RPH3A: variants seen among roughly 807,000 people sequenced by gnomAD.
The protein encoded by RPH3A is rabphilin 3A.
RPH3A carries 48 observed loss-of-function variants against 102.2 expected under a neutral mutation model. The ratio of observed to expected loss-of-function variants is 0.47; its 90% confidence interval spans 0.37 to 0.60. RPH3A has a LOEUF of 0.60. RPH3A is among the 20% of genes least tolerant of loss of function. RPH3A has a pLI of 0.00. For missense variants in RPH3A, 781 were observed against 910.1 expected, an observed-to-expected ratio of 0.86 and a Z score of 1.83; for synonymous variants, 310 against 324.3, an observed-to-expected ratio of 0.96 and a Z score of 0.47.
At chr12:112,662,775 A>AC (rs1287282398) in intron 1 of RPH3A, among the ~76,000 whole-genome samples, 1 of 151,924 alleles carries the variant, frequency 6.6e-6, no homozygotes, top group African/African-American at 2.4e-5. Context: ...CAAAAAAAAA[A>AC]AAAACAGGTA....
chr12:112,793,653 G>C (rs979652748), intron 2 of RPH3A, among the ~76,000 whole-genome samples: 6 of 152,220 alleles, frequency 3.9e-5, no homozygotes, highest in African/African-American at 1.4e-4. Flanking sequence ...AGTTGCCTTA[G>C]ATTCCTCACT....
chr12:112,658,868 G>A (rs1388577493), intron 1 of RPH3A, among the ~76,000 whole-genome samples: 1 of 152,132 alleles, frequency 6.6e-6, no homozygotes, highest in East Asian at 1.9e-4. Context: ...CCAGGCCAAC[G>A]GCGCCTCATG....
At chr12:112,648,459 G>A (rs185876475) in intron 1 of RPH3A, among the ~76,000 whole-genome samples, 204 of 150,750 alleles carry the variant, frequency 1.4e-3, no homozygotes, top group African/African-American at 4.7e-3. Flanking sequence ...TAGGCCAGGT[G>A]TGGTAGCTCA....
intron 1 of RPH3A, among the ~76,000 whole-genome samples, chr12:112,714,804 T>A (rs752156280): frequency 2.0e-5 from 3 of 152,214 alleles, no homozygotes; most frequent in Non-Finnish European, 2.9e-5. Flanking sequence ...TAGCAATGTC[T>A]GCCACAAGGA....
chr12:112,727,922 A>G (rs926600285), intron 1 of RPH3A, among the ~76,000 whole-genome samples: 1 of 152,176 alleles, frequency 6.6e-6, no homozygotes, highest in African/African-American at 2.4e-5. Flanking sequence ...TTCTTCCCCT[A>G]CAATAGCTTG....
chr12:112,708,499 A>T (rs1436754857), intron 1 of RPH3A, among the ~76,000 whole-genome samples: 1 of 152,150 alleles, frequency 6.6e-6, no homozygotes, highest in Non-Finnish European at 1.5e-5. Context: ...GTTCGTGGAG[A>T]GTCCACTGTG....
At chr12:112,751,443 A>T (rs113805242) in intron 1 of RPH3A, among the ~76,000 whole-genome samples, 2,438 of 152,330 alleles carry the variant, frequency 0.016, 61 homozygotes, top group African/African-American at 0.056. Context: ...TATAAAATGA[A>T]GGATAATAAA....
chr12:112,821,918 A>G (rs1285296287), intron 2 of RPH3A, among the ~76,000 whole-genome samples: 2 of 151,938 alleles, frequency 1.3e-5, no homozygotes, highest in Admixed American at 1.3e-4. Flanking sequence ...GAAGCTGGCA[A>G]TCTGTGTTTT....
chr12:112,870,343 A>T (rs1203210701), intron 10 of RPH3A, among the ~76,000 whole-genome samples: 3 of 151,528 alleles, frequency 2.0e-5, no homozygotes, highest in East Asian at 3.9e-4. Context: ...TGGGGGAAAA[A>T]TGCCCCTAGG....
intron 17 of RPH3A, among the ~76,000 whole-genome samples, chr12:112,888,321 G>A (rs2043038159): frequency 6.6e-6 from 1 of 152,256 alleles, no homozygotes; most frequent in Non-Finnish European, 1.5e-5. Context: ...TGGGAGGGTT[G>A]TGTTTTAAAA....
chr12:112,853,329 G>A (rs1221807680), intron 5 of RPH3A, among the ~76,000 whole-genome samples: 1 of 152,110 alleles, frequency 6.6e-6, no homozygotes, highest in Non-Finnish European at 1.5e-5. Flanking sequence ...CAGGGACTTG[G>A]GGGCATTCTG....
At chr12:112,771,325 G>A (rs968357045) in intron 1 of RPH3A, among the ~76,000 whole-genome samples, 1 of 152,104 alleles carries the variant, frequency 6.6e-6, no homozygotes, top group Non-Finnish European at 1.5e-5. Context: ...ATCAGTATAT[G>A]GCTTTTGCTT....
chr12:112,743,275 C>T (rs552463013), intron 1 of RPH3A, among the ~76,000 whole-genome samples: 17 of 152,210 alleles, frequency 1.1e-4, no homozygotes, highest in African/African-American at 4.1e-4. Flanking sequence ...CAGCGTGGAA[C>T]ACTCCAGGCT....
At chr12:112,656,004 T>C (rs1007232725) in intron 1 of RPH3A, among the ~76,000 whole-genome samples, 1 of 152,178 alleles carries the variant, frequency 6.6e-6, no homozygotes, top group Non-Finnish European at 1.5e-5. Flanking sequence ...TCACTTTCAA[T>C]TTCATTTTTT....
intron 2 of RPH3A, among the ~76,000 whole-genome samples, chr12:112,826,936 G>A (rs888364769): frequency 6.6e-6 from 1 of 151,920 alleles, no homozygotes; most frequent in African/African-American, 2.4e-5. Flanking sequence ...TTTTTTCTTG[G>A]GTGTATACCT....
intron 5 of RPH3A, among the ~76,000 whole-genome samples, chr12:112,851,740 C>T (rs769649112): frequency 3.1e-4 from 47 of 152,324 alleles, no homozygotes; most frequent in Admixed American, 6.5e-4. Flanking sequence ...TCTTCAGCTT[C>T]CCAGGAGGGA....
intron 1 of RPH3A, among the ~76,000 whole-genome samples, chr12:112,576,447 G>A (rs2039359421): frequency 6.6e-6 from 1 of 152,196 alleles, no homozygotes; most frequent in South Asian, 2.1e-4. Context: ...TCAAACTCCT[G>A]ACCTCAGGTG....
At chr12:112,722,456 T>C (rs528338749) in intron 1 of RPH3A, among the ~76,000 whole-genome samples, 2 of 152,248 alleles carry the variant, frequency 1.3e-5, no homozygotes, top group Non-Finnish European at 2.9e-5. Context: ...TAGAATACTC[T>C]ACTAGTTGCC....
intron 2 of RPH3A, among the ~76,000 whole-genome samples, chr12:112,812,022 G>A (rs1212315336): frequency 6.7e-6 from 1 of 149,732 alleles, no homozygotes; most frequent in Non-Finnish European, 1.5e-5. Flanking sequence ...CCAAGTCCAA[G>A]TTTGTCTCAT....
Sources: gnomAD v4.1 joint callset for allele counts (sites outside exome capture counted in the v4.1 genomes callset) on GRCh38, gnomAD v4.1.1 for gene constraint, MANE v1.5 for transcripts, NCBI Gene and HGNC (gene_info 2026-07-23, HGNC 2026-07-21) for gene names.